Variants in ARAP2 observed in about 807,000 individuals in gnomAD.
The protein encoded by ARAP2 is arf-GAP with Rho-GAP domain, ANK repeat and PH domain-containing protein 2.
A neutral mutation model predicts 194.5 loss-of-function variants in ARAP2; 148 were observed. The observed-to-expected ratio is 0.76, with a 90% CI of 0.67 to 0.87. ARAP2 has a LOEUF of 0.87. Ranked by LOEUF, ARAP2 falls within the 40% of genes least tolerant of loss-of-function variation. The pLI, the probability that ARAP2 is intolerant of heterozygous loss-of-function variation, is 0.00. For synonymous variants in ARAP2, 695 were observed against 683.5 expected (o/e 1.02, Z -0.26); for missense variants, 2,128 against 1,989.7 (o/e 1.07, Z -1.32).
chr4:36,018,697 G>A (rs1272587342), intron 6 of ARAP2, among the ~76,000 whole-genome samples: 3 of 152,114 alleles, frequency 2.0e-5, no homozygotes, highest in Non-Finnish European at 2.9e-5. Flanking sequence ...CATTAGCTGA[G>A]CATATACTTC....
intron 19 of ARAP2, among the ~76,000 whole-genome samples, chr4:36,145,877 G>A (rs1015559344): frequency 1.1e-4 from 16 of 151,772 alleles, no homozygotes; most frequent in Admixed American, 3.3e-4. Context: ...GCAAAATAGC[G>A]TCAACACAGT....
chr4:36,212,674 T>G (rs941247849), intron 4 of ARAP2, among the ~76,000 whole-genome samples, 187 bp from the exon 5 acceptor site: 2 of 151,430 alleles, frequency 1.3e-5, no homozygotes, highest in Non-Finnish European at 3.0e-5. Flanking sequence ...ACTTTTGATT[T>G]TTTTTTCACT....
intron 2 of ARAP2, among the ~76,000 whole-genome samples, chr4:36,221,658 C>A (rs755279504): frequency 3.3e-5 from 5 of 152,068 alleles, no homozygotes; most frequent in Admixed American, 1.3e-4. Context: ...CATGTAATAT[C>A]TACCTACAAG....
intron 3 of ARAP2, among the ~76,000 whole-genome samples, chr4:36,047,837 A>G (rs1280959289): frequency 6.6e-6 from 1 of 152,238 alleles, no homozygotes; most frequent in Non-Finnish European, 1.5e-5. Flanking sequence ...TCAAGCACAG[A>G]GATCAAGTAA....
intron 1 of ARAP2, among the ~76,000 whole-genome samples, chr4:36,234,224 T>C (rs1324113538): frequency 3.3e-5 from 5 of 152,208 alleles, no homozygotes; most frequent in Admixed American, 3.3e-4. Context: ...AGAAGTGCAT[T>C]GCTCAGAGTT....
At position 36,178,449 on chromosome 4, in the gene ARAP2, C is replaced by T. The variant is rs146096831; in HGVS notation, c.1679-444G>A. On this transcript the variant is annotated intron_variant, in intron 8 of 32. Coordinates refer to ENST00000303965, the MANE Select transcript of ARAP2 (RefSeq NM_015230.4). ...TGGCAAGTCAGTTACTCAAAGACCC[C>T]GAAAATCCTACTTCCAATCACTTGG... 1.5e-3 allele frequency among the ~76,000 whole-genome samples: 227 copies of T among 152,264 alleles called. 1 individual carries two copies. Among genetic ancestry groups the T allele is most frequent in the African/African-American group, 5.3e-3 (221 of 41,554 alleles).
chr4:36,201,062 G>C (rs911502873), intron 6 of ARAP2, among the ~76,000 whole-genome samples: 12 of 152,160 alleles, frequency 7.9e-5, no homozygotes, highest in African/African-American at 2.2e-4. Flanking sequence ...AAGTTATTTG[G>C]TACTACATTT....
intron 8 of ARAP2, among the ~76,000 whole-genome samples, chr4:36,014,045 G>A (rs1473850585): frequency 6.6e-6 from 1 of 151,666 alleles, no homozygotes; most frequent in East Asian, 1.9e-4. Flanking sequence ...TGGGCAACAT[G>A]GTGAAACCCC....
chr4:36,073,346 TG>T (rs1560369361), intron 32 of ARAP2, among the ~76,000 whole-genome samples: 2 of 152,114 alleles, frequency 1.3e-5, no homozygotes, highest in African/African-American at 4.8e-5. Context: ...AGACATATTC[TG>T]CTATGGGCTT....
intron 4 of ARAP2, among the ~76,000 whole-genome samples, chr4:36,212,881 T>C (rs1404710775): frequency 6.6e-6 from 1 of 152,036 alleles, no homozygotes; most frequent in Non-Finnish European, 1.5e-5. Flanking sequence ...TTAAAATATA[T>C]ACATAATTGG....
intron 27 of ARAP2, among the ~76,000 whole-genome samples, chr4:36,098,049 C>T (rs1715795227): frequency 3.2e-5 from 1 of 31,082 alleles, no homozygotes; most frequent in Non-Finnish European, 5.9e-5. Flanking sequence ...GAAAAGCTCG[C>T]ACCTCCAAAA....
At chr4:36,028,021 A>G (rs1718219203) in intron 5 of ARAP2, among the ~76,000 whole-genome samples, 1 of 152,186 alleles carries the variant, frequency 6.6e-6, no homozygotes, top group Non-Finnish European at 1.5e-5. Context: ...GGGTACATAA[A>G]TGCGCATACT....
At chr4:36,233,742 C>G (rs1331440548) in intron 1 of ARAP2, among the ~76,000 whole-genome samples, 3 of 152,176 alleles carry the variant, frequency 2.0e-5, no homozygotes, top group Non-Finnish European at 4.4e-5. Flanking sequence ...GCACATAGTG[C>G]CTAGCACGTA....
At chr4:36,107,327 T>C (rs759857310) in intron 27 of ARAP2, among the ~76,000 whole-genome samples, 1 of 151,982 alleles carries the variant, frequency 6.6e-6, no homozygotes, top group Non-Finnish European at 1.5e-5. Context: ...AACAAACTAT[T>C]ATTTCCAAAA....
At chr4:36,081,135 T>C (rs1431020806) in intron 30 of ARAP2, among the ~76,000 whole-genome samples, 1 of 152,152 alleles carries the variant, frequency 6.6e-6, no homozygotes, top group Non-Finnish European at 1.5e-5. Flanking sequence ...AACATTGTCT[T>C]TCCCTATTAC....
At chr4:36,197,686 G>A (rs1196168888) in intron 6 of ARAP2, among the ~76,000 whole-genome samples, 1 of 152,238 alleles carries the variant, frequency 6.6e-6, no homozygotes, top group Non-Finnish European at 1.5e-5. Flanking sequence ...GTGTGAGCAA[G>A]TGAGCATGGG....
intron 6 of ARAP2, among the ~76,000 whole-genome samples, chr4:36,202,444 A>T (rs549895030): frequency 2.0e-5 from 3 of 152,062 alleles, no homozygotes; most frequent in Non-Finnish European, 4.4e-5. Context: ...CAAAAAAAGT[A>T]TCTTCAATCT....
chr4:36,106,227 T>A (rs1718383595), intron 27 of ARAP2, among the ~76,000 whole-genome samples: 1 of 151,948 alleles, frequency 6.6e-6, no homozygotes, highest in Admixed American at 6.6e-5. Context: ...ACATGTGCAT[T>A]CACATCAGTA....
intron 32 of ARAP2, 21 bp from the exon 33 acceptor site, chr4:36,068,299 C>G (rs770104508): frequency 6.0e-6 from 9 of 1,503,702 alleles, no homozygotes; most frequent in Non-Finnish European, 6.2e-6. Context: ...AATTAAATGT[C>G]TCACAGGGAA....
Sources: gnomAD v4.1 joint callset for allele counts (sites outside exome capture counted in the v4.1 genomes callset) on GRCh38, gnomAD v4.1.1 for gene constraint, MANE v1.5 for transcripts, NCBI Gene and HGNC (gene_info 2026-07-23, HGNC 2026-07-21) for gene names.